Variants in PCSK2 observed in about 807,000 individuals in gnomAD.
PCSK2 encodes proprotein convertase subtilisin/kexin type 2, also known as neuroendocrine convertase 2.
Under a neutral mutation model 69.7 loss-of-function variants are expected in PCSK2, and 14 were observed. The ratio of observed to expected loss-of-function variants is 0.20; its 90% CI spans 0.13 to 0.31. The LOEUF (loss-of-function observed/expected upper bound fraction) is 0.31, where lower values mean the gene tolerates loss of function less well. PCSK2 is among the 10% of genes least tolerant of loss of function. PCSK2 has a pLI of 1.00. For missense variants in PCSK2, 544 were observed against 842.5 expected (o/e 0.65, Z 4.39); for synonymous variants, 307 against 320.7 (o/e 0.96, Z 0.46).
chr20:17,381,695 T>G (rs574352466), intron 5 of PCSK2, among the ~76,000 whole-genome samples: 1 of 152,258 alleles, frequency 6.6e-6, no homozygotes, highest in East Asian at 1.9e-4. Flanking sequence ...AAATAGAAAT[T>G]AAATGGAACT....
At chr20:17,458,500 A>G (rs1333319068) in intron 10 of PCSK2, among the ~76,000 whole-genome samples, 1 of 152,210 alleles carries the variant, frequency 6.6e-6, no homozygotes, top group Non-Finnish European at 1.5e-5. Flanking sequence ...GCTTTAGGCA[A>G]AGCGGCTCCA....
intron 1 of PCSK2, among the ~76,000 whole-genome samples, chr20:17,246,013 T>C (rs1165638157): frequency 6.6e-6 from 1 of 152,192 alleles, no homozygotes; most frequent in African/African-American, 2.4e-5. Flanking sequence ...AACTACTTAA[T>C]AACTCTTGCT....
At chr20:17,428,290 A>T (rs1398990565) in intron 6 of PCSK2, among the ~76,000 whole-genome samples, 2 of 152,210 alleles carry the variant, frequency 1.3e-5, no homozygotes, top group Non-Finnish European at 2.9e-5. Context: ...CACTGGGTTT[A>T]CATATCTGGG....
chr20:17,251,109 A>G (rs1431300007), intron 1 of PCSK2, among the ~76,000 whole-genome samples: 2 of 150,028 alleles, frequency 1.3e-5, no homozygotes, highest in African/African-American at 4.9e-5. Flanking sequence ...AATTAAAAGT[A>G]AAAAAAAAAT....
chr20:17,293,896 G>A (rs1260639177), intron 2 of PCSK2, among the ~76,000 whole-genome samples: 1 of 151,998 alleles, frequency 6.6e-6, no homozygotes, highest in Non-Finnish European at 1.5e-5. Context: ...CCTCTTGATG[G>A]TCAATGTAAC....
intron 6 of PCSK2, among the ~76,000 whole-genome samples, chr20:17,418,025 A>G (rs570971099): frequency 6.6e-6 from 1 of 152,308 alleles, no homozygotes; most frequent in African/African-American, 2.4e-5. Flanking sequence ...GCAAGCTTCC[A>G]AGGAGCTTGC....
chr20:17,387,999 C>G (rs1486543970), intron 5 of PCSK2, among the ~76,000 whole-genome samples: 3 of 151,952 alleles, frequency 2.0e-5, no homozygotes, highest in Non-Finnish European at 4.4e-5. Context: ...TATGCTGATA[C>G]CTTAAGAATG....
At chr20:17,297,978 A>G (rs1056158961) in intron 2 of PCSK2, among the ~76,000 whole-genome samples, 3 of 152,216 alleles carry the variant, frequency 2.0e-5, no homozygotes, top group African/African-American at 7.2e-5. Flanking sequence ...ATTTGCTCTT[A>G]TAACTTCTAG....
intron 10 of PCSK2, among the ~76,000 whole-genome samples, chr20:17,457,971 G>A (rs1379980551): frequency 6.6e-6 from 1 of 152,190 alleles, no homozygotes; most frequent in East Asian, 1.9e-4. Flanking sequence ...GAGGCTGCTG[G>A]ACTCCTAGAG....
At chr20:17,471,691 G>A (rs1278538561) in intron 11 of PCSK2, among the ~76,000 whole-genome samples, 12 of 152,212 alleles carry the variant, frequency 7.9e-5, no homozygotes, top group Admixed American at 7.9e-4. Context: ...CCCCACACCA[G>A]AACTTGTTCT....
intron 5 of PCSK2, among the ~76,000 whole-genome samples, chr20:17,382,936 C>A (rs576246146): frequency 5.3e-5 from 8 of 152,180 alleles, no homozygotes; most frequent in Admixed American, 4.6e-4. Flanking sequence ...TCCATCTCAA[C>A]TTATATTGCA....
chr20:17,442,549 C>T (rs982755360), intron 8 of PCSK2, among the ~76,000 whole-genome samples: 9 of 152,124 alleles, frequency 5.9e-5, no homozygotes, highest in Non-Finnish European at 8.8e-5. Context: ...ATAGTTGATC[C>T]AATTACGACT....
chr20:17,271,536 A>G (rs556671492), intron 2 of PCSK2, among the ~76,000 whole-genome samples: 2 of 152,224 alleles, frequency 1.3e-5, no homozygotes, highest in South Asian at 4.1e-4. Flanking sequence ...GTCAGTTGTA[A>G]GCAAAACAGC....
intron 4 of PCSK2, among the ~76,000 whole-genome samples, chr20:17,361,438 T>C (rs1007520033): frequency 1.3e-5 from 2 of 152,234 alleles, no homozygotes; most frequent in African/African-American, 4.8e-5. Flanking sequence ...CCTGCCAAGA[T>C]TGTGGAGAAT....
chr20:17,480,224 C>T (rs113814470), intron 11 of PCSK2, among the ~76,000 whole-genome samples: 5 of 105,890 alleles, frequency 4.7e-5, no homozygotes, highest in Non-Finnish European at 7.3e-5. Flanking sequence ...GAGTCTCGCT[C>T]TGTCACCCAG....
At position 17,246,581 on chromosome 20, in the gene PCSK2, A is replaced by G. The variant is rs1201889918; in HGVS notation, c.178-13659A>G. On this transcript the variant is annotated intron_variant, in intron 1 of 11. Transcript: ENST00000262545. ...CATGTTCCTGGTTTAACAGTGGAAT[A>G]GTAAATGCAGGATATCCTCCAGAAA... 1.3e-5 allele frequency among the ~76,000 whole-genome samples: 2 copies of G among 152,218 alleles called. 1 individual carries two copies. Among genetic ancestry groups the G allele is most frequent in the Non-Finnish European group, 2.9e-5 (2 of 68,032 alleles).
intron 5 of PCSK2, among the ~76,000 whole-genome samples, chr20:17,399,715 C>T (rs1049302758): frequency 2.0e-5 from 3 of 152,140 alleles, no homozygotes; most frequent in Non-Finnish European, 4.4e-5. Context: ...GCAGGCACCA[C>T]GTGTAAGCAT....
At chr20:17,473,356 G>T (rs2123414894) in intron 11 of PCSK2, among the ~76,000 whole-genome samples, 1 of 152,254 alleles carries the variant, frequency 6.6e-6, no homozygotes, top group Middle Eastern at 3.4e-3. Context: ...CTCGCAAAGT[G>T]CTGGGATTAC....
intron 1 of PCSK2, among the ~76,000 whole-genome samples, chr20:17,249,606 C>G (rs530523908): frequency 1.3e-5 from 2 of 151,914 alleles, no homozygotes; most frequent in South Asian, 4.2e-4. Context: ...AATCAAGTGT[C>G]CATCAACGGA....
Sources: allele counts gnomAD v4.1 joint callset (sites outside exome capture counted in the v4.1 genomes callset), GRCh38; gene constraint gnomAD v4.1.1; transcripts MANE v1.5; gene names NCBI Gene and HGNC (gene_info 2026-07-23, HGNC 2026-07-21).